Variants in PREP observed in about 807,000 individuals in gnomAD.
PREP encodes the protein dJ355L5.1 (prolyl endopeptidase).
A neutral mutation model predicts 87.6 loss-of-function variants in PREP; 29 were observed. The observed-to-expected ratio is 0.33, with a 90% CI of 0.25 to 0.45. PREP has a LOEUF of 0.45. PREP is among the 20% of genes least tolerant of loss of function. The probability of loss-of-function intolerance (pLI) is 1.00; values close to 1 mark genes in which losing one functional copy is unlikely to be tolerated. For missense variants in PREP, 695 were observed against 886.5 expected (o/e 0.78, Z 2.74); for synonymous variants, 337 against 328.6 (o/e 1.03, Z -0.28).
intron 10 of PREP, among the ~76,000 whole-genome samples, chr6:105,314,462 A>T (rs760017205): frequency 1.3e-5 from 2 of 152,194 alleles, no homozygotes; most frequent in Non-Finnish European, 2.9e-5. Context: ...AAGTTTATGG[A>T]ATATTCTAAA....
intron 5 of PREP, among the ~76,000 whole-genome samples, chr6:105,371,243 G>A (rs113238041): frequency 1.3e-5 from 2 of 152,014 alleles, no homozygotes; most frequent in Non-Finnish European, 2.9e-5. Flanking sequence ...GGTGGCTCAC[G>A]CCTATAATCC....
Position 105,282,484 on chromosome 6 carries a change from TAGTC to T in PREP, c.1644_1647del (p.Thr549LeufsTer10), listed in dbSNP as rs750966629. 13 of 1,614,100 alleles carry T rather than the reference TAGTC, an allele frequency of 8.1e-6. No homozygotes were observed. Among genetic ancestry groups the T allele is most frequent in the African/African-American group, 1.3e-5 (1 of 75,046 alleles). ...AGGCCTCCATTTGAACCTCCATTAA[TAGTC>T]AGCCTCTTGGGAGATGTGTAACCTT... On this transcript the variant is annotated frameshift_variant, in exon 13 of 15. Coordinates refer to ENST00000652536, the MANE Select transcript of PREP (RefSeq NM_002726.5). LOFTEE classifies it high-confidence loss of function.
chr6:105,349,960 C>A (rs138032416), intron 7 of PREP, among the ~76,000 whole-genome samples: 2 of 148,140 alleles, frequency 1.4e-5, no homozygotes, highest in African/African-American at 5.0e-5. Context: ...GGTCATCAAC[C>A]GGGCATACAG....
chr6:105,297,632 C>G lies in PREP; in HGVS notation c.1318-8738G>C, dbSNP rs182166216. On this transcript the variant is annotated intron_variant, in intron 10 of 14. Coordinates refer to ENST00000652536, the MANE Select transcript of PREP (RefSeq NM_002726.5). ...GATGCCAAAGCTTTTATGGGACCCT[C>G]AATGGACAGGAAAACAAAGTGCTCA... Among the ~76,000 whole-genome samples the G allele has an allele frequency of 2.6e-3, 401 of 152,268 alleles. 1 individual carries two copies. The highest frequency in any genetic ancestry group is 4.5e-3 in the Admixed American group (69 of 15,296).
intron 2 of PREP, 68 bp from the exon 3 acceptor site, chr6:105,377,587 A>C: frequency 6.5e-7 from 1 of 1,529,474 alleles, no homozygotes; most frequent in Non-Finnish European, 9.0e-7. Context: ...ATTATCCACT[A>C]ATATGTATCA....
At chr6:105,353,182 T>A in intron 6 of PREP, 105 bp from the exon 7 acceptor site, 1 of 842,018 alleles carries the variant, frequency 1.2e-6, no homozygotes, top group Non-Finnish European at 1.9e-6. Flanking sequence ...TCAAAGGCAG[T>A]GTCTCTGCCC....
At chr6:105,373,675 G>A in intron 4 of PREP, 97 bp from the exon 5 acceptor site, 2 of 1,194,228 alleles carry the variant, frequency 1.7e-6, no homozygotes, top group Non-Finnish European at 2.4e-6. Flanking sequence ...TAACACGGAG[G>A]TAGAATGTGG....
At chr6:105,400,152 G>A (rs1225873627) in intron 1 of PREP, among the ~76,000 whole-genome samples, 1 of 152,166 alleles carries the variant, frequency 6.6e-6, no homozygotes, top group Non-Finnish European at 1.5e-5. Context: ...TGAGGTGGAT[G>A]TGTCTTATAG....
intron 10 of PREP, among the ~76,000 whole-genome samples, chr6:105,322,092 A>AG (rs1771026425): frequency 6.6e-6 from 1 of 152,194 alleles, no homozygotes; most frequent in African/African-American, 2.4e-5. Context: ...AGGAAAAAAA[A>AG]GAGCAAAGAA....
chr6:105,364,365 T>C (rs1772329106), intron 6 of PREP, among the ~76,000 whole-genome samples: 1 of 152,252 alleles, frequency 6.6e-6, no homozygotes, highest in South Asian at 2.1e-4. Flanking sequence ...ATCTGCCTGA[T>C]CAAGGCAAGA....
At chr6:105,369,482 C>A (rs894451220) in intron 5 of PREP, among the ~76,000 whole-genome samples, 9 of 152,184 alleles carry the variant, frequency 5.9e-5, no homozygotes, top group Admixed American at 1.3e-4. Context: ...CATGCAAAGG[C>A]AAAATATACT....
chr6:105,337,032 A>G (rs1771501529), intron 7 of PREP, among the ~76,000 whole-genome samples: 1 of 151,848 alleles, frequency 6.6e-6, no homozygotes, highest in Admixed American at 6.6e-5. Context: ...CATTTTTTAC[A>G]GTATCTTATT....
At chr6:105,369,104 G>C (rs1032942036) in intron 5 of PREP, 80 bp from the exon 6 acceptor site, 1 of 1,467,102 alleles carries the variant, frequency 6.8e-7, no homozygotes, top group East Asian at 2.3e-5. Flanking sequence ...CAGAATGCTA[G>C]ACACATTTAA....
intron 10 of PREP, among the ~76,000 whole-genome samples, chr6:105,296,915 A>G (rs1038026182): frequency 9.9e-5 from 15 of 152,176 alleles, no homozygotes; most frequent in African/African-American, 3.4e-4. Context: ...AAGGACCTCC[A>G]TGTCCACATC....
At position 105,278,604 on chromosome 6, in the gene PREP, T is replaced by G. The variant is rs1235116489; in HGVS notation, c.1839-166A>C. Among the ~76,000 whole-genome samples, 1 of 150,984 alleles carries G rather than the reference T, an allele frequency of 6.6e-6. No homozygotes were observed. The highest frequency in any genetic ancestry group is 1.5e-5 in the Non-Finnish European group (1 of 67,696). On this transcript the variant is annotated intron_variant, in intron 14 of 14. Coordinates refer to ENST00000652536, the MANE Select transcript of PREP (RefSeq NM_002726.5). The surrounding 1 kb of genome is among the most constrained non-coding windows in gnomAD (Gnocchi z 4.2). ...CATTTAGGCCATGACTGGCAAGGGC[T>G]CCTGGAAACTGGGGAGCTGTGTCAT...
chr6:105,343,850 T>C lies in PREP; in HGVS notation c.823+9122A>G, dbSNP rs556056400. On this transcript the variant is annotated intron_variant, in intron 7 of 14. Transcript: ENST00000652536. ...CATCTCACACCAGTTAGAATGGTGATCATTAAAAAGTCAGGAAACCACAGG... is the reference window on the plus strand; with the variant it reads ...CATCTCACACCAGTTAGAATGGTGACCATTAAAAAGTCAGGAAACCACAGG... Among the ~76,000 whole-genome samples, 4 of 152,270 alleles carry C rather than the reference T, an allele frequency of 2.6e-5. No individual in the cohort carries two copies. In the East Asian group the frequency reaches 5.8e-4, roughly 22 times the overall value.
chr6:105,334,675 G>A (rs1325753939), intron 7 of PREP, among the ~76,000 whole-genome samples: 4 of 146,670 alleles, frequency 2.7e-5, no homozygotes, highest in South Asian at 4.3e-4. Flanking sequence ...CTGAGATTGC[G>A]CCACTTCACT....
chr6:105,305,771 TAGAC>T (rs980227786), intron 10 of PREP, among the ~76,000 whole-genome samples: 39 of 152,178 alleles, frequency 2.6e-4, no homozygotes, highest in South Asian at 8.3e-4. Flanking sequence ...ATTATCATCA[TAGAC>T]AGATTTTTGC....
intron 10 of PREP, chr6:105,322,751 AC>A (rs1771045686): frequency 9.6e-7 from 1 of 1,046,592 alleles, no homozygotes; most frequent in Admixed American, 4.8e-5. Flanking sequence ...TCATAGCTCT[AC>A]ACCAAATCCA....
Sources: allele counts gnomAD v4.1 joint callset (sites outside exome capture counted in the v4.1 genomes callset), GRCh38; gene constraint gnomAD v4.1.1; non-coding constraint Gnocchi (gnomAD v3.1); transcripts MANE v1.5; gene names NCBI Gene and HGNC (gene_info 2026-07-23, HGNC 2026-07-21).